Variants in MACROH2A2 observed in about 807,000 individuals in gnomAD.
MACROH2A2 encodes the protein macroH2A.2 histone, also known as core histone macro-H2A.2.
A neutral mutation model predicts 37.6 loss-of-function variants in MACROH2A2; 6 were observed. The ratio of observed to expected loss-of-function variants is 0.16; its 90% CI spans 0.09 to 0.32. The LOEUF is 0.32. Among genes scored for constraint, MACROH2A2 ranks in the 10% least tolerant of loss-of-function variants. The pLI, the probability that MACROH2A2 is intolerant of heterozygous loss-of-function variation, is 1.00. For missense variants in MACROH2A2, 290 were observed against 485.9 expected, an observed-to-expected ratio of 0.60 and a Z score of 3.79; for synonymous variants, 192 against 202.7, an observed-to-expected ratio of 0.95 and a Z score of 0.45.
intron 2 of MACROH2A2, among the ~76,000 whole-genome samples, chr10:70,087,275 C>T (rs1444904613): frequency 6.6e-6 from 1 of 151,178 alleles, no homozygotes; most frequent in African/African-American, 2.4e-5. Flanking sequence ...ACTATGTCAC[C>T]CAGGCTGGAG....
chr10:70,108,859 C>T (rs1269608490), intron 7 of MACROH2A2, among the ~76,000 whole-genome samples, 174 bp from the exon 8 acceptor site: 4 of 152,182 alleles, frequency 2.6e-5, no homozygotes, highest in Admixed American at 6.5e-5. Flanking sequence ...CAAAGCAATA[C>T]AGCCCAGCTC....
intron 2 of MACROH2A2, among the ~76,000 whole-genome samples, chr10:70,084,139 T>A (rs1219910997): frequency 6.6e-6 from 1 of 152,202 alleles, no homozygotes; most frequent in African/African-American, 2.4e-5. Flanking sequence ...GTCATTTACA[T>A]GTCATTTCCA....
In MACROH2A2 at chr10:70,079,543, T is replaced by G. The variant is rs922166404; in HGVS notation, c.172+3713T>G. Among the ~76,000 whole-genome samples the G allele has an allele frequency of 2.5e-4, 35 of 141,114 alleles. No homozygotes were observed. The East Asian group carries it at 7.4e-3, about 30-fold the overall frequency. The allele number at this position is 141,114 out of a possible 152,430, so 92.6% of individuals were successfully genotyped here. On this transcript the variant is annotated intron_variant, in intron 2 of 8. Transcript: ENST00000373255. ...ACTGTGACGGCCCTTGAAGGCCACG[T>G]TGAGGGTTCGCGCGCGCGCGCGCAC...
chr10:70,095,029 G>A (rs2072266387), intron 5 of MACROH2A2, among the ~76,000 whole-genome samples: 1 of 152,184 alleles, frequency 6.6e-6, no homozygotes, highest in Admixed American at 6.5e-5. Context: ...GAAAACTAAG[G>A]CCACCAGGGT....
intron 2 of MACROH2A2, among the ~76,000 whole-genome samples, chr10:70,086,805 C>A (rs1012250628): frequency 4.6e-5 from 7 of 152,164 alleles, no homozygotes; most frequent in African/African-American, 1.7e-4. Flanking sequence ...CCCATGTGTA[C>A]CCCAGAAATG....
chr10:70,095,084 G>A (rs1303540101), intron 5 of MACROH2A2, among the ~76,000 whole-genome samples: 1 of 152,140 alleles, frequency 6.6e-6, no homozygotes, highest in Non-Finnish European at 1.5e-5. Context: ...AGAAAGGAGA[G>A]GGGGCCAGGC....
At chr10:70,058,742 C>G (rs1391279167) in intron 1 of MACROH2A2, among the ~76,000 whole-genome samples, 1 of 151,994 alleles carries the variant, frequency 6.6e-6, no homozygotes, top group African/African-American at 2.4e-5. Flanking sequence ...GGTGGTGGAC[C>G]ACAAAAAGGC....
intron 2 of MACROH2A2, among the ~76,000 whole-genome samples, chr10:70,086,329 A>C (rs976616731): frequency 1.3e-5 from 2 of 150,708 alleles, no homozygotes; most frequent in Non-Finnish European, 1.5e-5. Flanking sequence ...CTGCTTTTGC[A>C]CTAGAACACA....
chr10:70,054,394 C>T (rs991370269), intron 1 of MACROH2A2, among the ~76,000 whole-genome samples: 1 of 152,188 alleles, frequency 6.6e-6, no homozygotes, highest in Non-Finnish European at 1.5e-5. Flanking sequence ...AGCTTCTGTC[C>T]ACCTCAGAGG....
chr10:70,085,219 G>A (rs1299879411), intron 2 of MACROH2A2, among the ~76,000 whole-genome samples: 3 of 152,180 alleles, frequency 2.0e-5, no homozygotes, highest in African/African-American at 4.8e-5. Context: ...GAAGAGAAAC[G>A]CAGGTTTGGG....
chr10:70,078,345 G>A (rs767915103), intron 2 of MACROH2A2, among the ~76,000 whole-genome samples: 9 of 152,300 alleles, frequency 5.9e-5, no homozygotes, highest in South Asian at 4.1e-4. Flanking sequence ...TCCTGCCCCC[G>A]GCCAGTCCCA....
intron 7 of MACROH2A2, among the ~76,000 whole-genome samples, chr10:70,105,139 G>T (rs1053892289): frequency 1.3e-5 from 2 of 152,200 alleles, no homozygotes; most frequent in Admixed American, 6.5e-5. Flanking sequence ...GTTGAATATT[G>T]GAGCACCTGC....
intron 1 of MACROH2A2, among the ~76,000 whole-genome samples, chr10:70,074,138 C>T (rs1254456439): frequency 6.6e-6 from 1 of 152,162 alleles, no homozygotes; most frequent in Non-Finnish European, 1.5e-5. Context: ...AACCAGCAGA[C>T]CAAGCCTACC....
intron 2 of MACROH2A2, among the ~76,000 whole-genome samples, chr10:70,088,221 CGCACACACACACGCACATATGCCCGCCT>C (rs1204156457): frequency 1.3e-5 from 2 of 151,758 alleles, no homozygotes; most frequent in Non-Finnish European, 2.9e-5. Context: ...AGTACATTCA[CGCACACACACACGCACATATGCCCGCCT>C]GCACACTCAC....
At chr10:70,074,910 A>C (rs564237451) in intron 1 of MACROH2A2, among the ~76,000 whole-genome samples, 13 of 152,344 alleles carry the variant, frequency 8.5e-5, no homozygotes, top group Non-Finnish European at 1.8e-4. Context: ...GGGCAAAGTC[A>C]TATAAGCCAA....
chr10:70,063,811 C>T (rs2310992), intron 1 of MACROH2A2, among the ~76,000 whole-genome samples: 92,486 of 152,030 alleles, frequency 0.61, 29,711 homozygotes, highest in African/African-American at 0.82. Context: ...CAACAGCAGA[C>T]GGGAGATTGC....
intron 1 of MACROH2A2, among the ~76,000 whole-genome samples, chr10:70,062,541 T>G (rs1052273256): frequency 6.6e-6 from 1 of 152,234 alleles, no homozygotes. Context: ...TTTAAAATAA[T>G]GTATGATGAA....
At chr10:70,065,169 C>T (rs1479970002) in intron 1 of MACROH2A2, among the ~76,000 whole-genome samples, 3 of 152,014 alleles carry the variant, frequency 2.0e-5, no homozygotes, top group Non-Finnish European at 4.4e-5. Context: ...GCCTCAGCCT[C>T]TCGAGTAGCT....
chr10:70,111,760 G>A lies in MACROH2A2; in HGVS notation c.*77G>A. ...GGTTTTGCTTTTTAAAAGGAGAGAG[G>A]AGGGGTGATGGCAGGGGAGTGGAGG... On this transcript the variant is annotated 3_prime_UTR_variant, in exon 9 of 9. Transcript: ENST00000373255. 1.5e-6 allele frequency: 2 copies of A among 1,312,218 alleles called. No individual in the cohort carries two copies. The highest frequency in any genetic ancestry group is 2.0e-6 in the Non-Finnish European group (2 of 978,132). The allele number at this position is 1,312,218 out of a possible 1,614,324, so 81.3% of individuals were successfully genotyped here.
Sources: gnomAD v4.1 joint callset for allele counts (sites outside exome capture counted in the v4.1 genomes callset) on GRCh38, gnomAD v4.1.1 for gene constraint, MANE v1.5 for transcripts, NCBI Gene and HGNC (gene_info 2026-07-23, HGNC 2026-07-21) for gene names.